AP1G1: variants seen among roughly 807,000 people sequenced by gnomAD.
The protein encoded by AP1G1 is adaptor related protein complex 1 subunit gamma 1.
AP1G1 carries 7 observed loss-of-function variants against 108.3 expected under a neutral mutation model. The observed-to-expected ratio is 0.06, with a 90% CI of 0.04 to 0.12. The LOEUF (loss-of-function observed/expected upper bound fraction) is 0.12. Among genes scored for constraint, AP1G1 ranks in the 10% least tolerant of loss-of-function variants. The pLI is 1.00. For missense variants in AP1G1, 756 were observed against 1,010.7 expected, an observed-to-expected ratio of 0.75 and a Z score of 3.42; for synonymous variants, 379 against 353.5, an observed-to-expected ratio of 1.07 and a Z score of -0.81.
chr16:71,761,693 G>C, intron 9 of AP1G1, 126 bp from the exon 10 acceptor site: 1 of 713,446 alleles, frequency 1.4e-6, no homozygotes. Context: ...AAAGGAGCTG[G>C]GTGCGGTGGC....
At chr16:71,758,560 G>T in intron 11 of AP1G1, 2 of 602,968 alleles carry the variant, frequency 3.3e-6, no homozygotes, top group Non-Finnish European at 6.3e-6. Context: ...AAGAGCCAAG[G>T]ACAACTTCAG....
chr16:71,739,129 T>C (rs766874773), intron 20 of AP1G1, 27 bp from the exon 21 acceptor site: 5 of 1,613,722 alleles, frequency 3.1e-6, no homozygotes, highest in South Asian at 2.2e-5. Flanking sequence ...AGATAAGTCT[T>C]ATTGTAGTCA....
At chr16:71,744,571 GT>G (rs71856788) in intron 19 of AP1G1, among the ~76,000 whole-genome samples, 17 of 114,386 alleles carry the variant, frequency 1.5e-4, no homozygotes, top group Middle Eastern at 5.2e-3. Flanking sequence ...GAGAAAGTGT[GT>G]TTTTTTTTTT....
In AP1G1 at chr16:71,758,864, C is replaced by T. The variant is rs371134432; in HGVS notation, c.1032G>A (p.Gln344=). The part of the protein sequence containing the change: ...KTVQTDHNAV[Q]RHRSTIVDCL... ...AGTCCACAATTGTGCTTCTGTGCCT[C>T]TGTACTGCATTATGATCTGTCTGTA... The change falls in exon 11 of 23, where the codon CAG becomes CAA. Residue 344 remains glutamine, a synonymous_variant. Coordinates refer to ENST00000299980, the MANE Select transcript of AP1G1 (RefSeq NM_001128.6). 20 of 1,611,758 alleles carry T rather than the reference C, an allele frequency of 1.2e-5. No homozygotes were observed. Among genetic ancestry groups the T allele is most frequent in the Non-Finnish European group, 1.7e-5 (20 of 1,179,486 alleles).
chr16:71,791,025 A>C (rs1258142135), intron 1 of AP1G1, among the ~76,000 whole-genome samples: 1 of 152,154 alleles, frequency 6.6e-6, no homozygotes, highest in Non-Finnish European at 1.5e-5. Context: ...GTTCGAAACC[A>C]GCCTGGCCAA....
At chr16:71,773,144 T>C in intron 4 of AP1G1, 77 bp downstream of exon 4, 1 of 1,519,014 alleles carries the variant, frequency 6.6e-7, no homozygotes, top group Non-Finnish European at 9.1e-7. Flanking sequence ...ATCAGATCTT[T>C]CAAAAATGAG....
chr16:71,761,750 G>A (rs1300894900), intron 9 of AP1G1, among the ~76,000 whole-genome samples, 183 bp from the exon 10 acceptor site: 3 of 142,644 alleles, frequency 2.1e-5, no homozygotes, highest in Admixed American at 7.4e-5. Flanking sequence ...CCGGTGGATC[G>A]CCAGGTCAGT....
At chr16:71,805,331 C>G (rs1285326001) in intron 1 of AP1G1, among the ~76,000 whole-genome samples, 1 of 151,910 alleles carries the variant, frequency 6.6e-6, no homozygotes, top group Non-Finnish European at 1.5e-5. Flanking sequence ...GCTTGTAATC[C>G]CAGCTACTCG....
At chr16:71,742,988 A>G (rs2029943264) in intron 19 of AP1G1, 1 of 152,152 alleles carries the variant, frequency 6.6e-6, no homozygotes, top group South Asian at 2.1e-4. Context: ...AACCAAAAAA[A>G]AAAGCCAAAC....
intron 17 of AP1G1, 134 bp from the exon 18 acceptor site, chr16:71,745,748 GA>G (rs1419813293): frequency 2.6e-6 from 2 of 775,788 alleles, no homozygotes; most frequent in East Asian, 4.9e-5. Flanking sequence ...CACTAAAATA[GA>G]AGGTAGATTA....
chr16:71,747,509 G>A, intron 16 of AP1G1: 1 of 152,144 alleles, frequency 6.6e-6, no homozygotes, highest in East Asian at 1.9e-4. Context: ...GAACCCTGGA[G>A]ATGGAGATTG....
intron 9 of AP1G1, among the ~76,000 whole-genome samples, chr16:71,762,283 C>A (rs990990964): frequency 6.6e-6 from 1 of 151,976 alleles, no homozygotes; most frequent in Non-Finnish European, 1.5e-5. Flanking sequence ...TGAACAATTC[C>A]ACTTATATGA....
rs899531137 is a variant in AP1G1, at chr16:71,732,253, A to C, written c.*805T>G. 5.2e-5 allele frequency: 8 copies of C among 152,584 alleles called. No individual in the cohort carries two copies. Among genetic ancestry groups the C allele is most frequent in the African/African-American group, 1.9e-4 (8 of 41,440 alleles). The allele number at this position is 152,584 out of a possible 1,614,324, so 9.5% of individuals were successfully genotyped here. Reference sequence around the variant, plus strand: ...AGGGAATCAATTTTGAAAATCATGGAGACTATTCATGACTACAGCTAAAGA... The same window carrying C: ...AGGGAATCAATTTTGAAAATCATGGCGACTATTCATGACTACAGCTAAAGA... On this transcript the variant is annotated 3_prime_UTR_variant, in exon 23 of 23. Transcript: ENST00000299980.
chr16:71,807,216 A>G (rs555761590), intron 1 of AP1G1, among the ~76,000 whole-genome samples: 11 of 152,330 alleles, frequency 7.2e-5, no homozygotes, highest in African/African-American at 2.4e-4. Context: ...ACCTGAGCTC[A>G]GGAGTTCGAG....
chr16:71,808,059 G>T lies in AP1G1; in HGVS notation c.-4+704C>A. 3 of 1,177,028 alleles carry T rather than the reference G, an allele frequency of 2.5e-6. 1 individual carries two copies. The South Asian group carries it at 4.9e-5, about 19-fold the overall frequency. 72.9% of individuals were successfully genotyped at this position (1,177,028 alleles called of 1,614,324 possible). A position where few individuals can be genotyped will look rare whatever the true frequency, so the allele number is the denominator to read the frequency against. The stretch of plus-strand genomic sequence containing the variant: ...GGATCTCCTACACCGAGTCCTAACC[G>T]GGAAACACAATCAACCGAACCGTCC... On this transcript the variant is annotated intron_variant, in intron 1 of 22. Transcript: ENST00000299980.
intron 19 of AP1G1, chr16:71,743,485 C>G (rs575387312): frequency 6.6e-6 from 1 of 152,274 alleles, no homozygotes; most frequent in East Asian, 1.9e-4. Flanking sequence ...CGCCTATAAT[C>G]CCAGCTACTC....
rs1261626672 is a variant in AP1G1, at chr16:71,745,500, T to G, written c.1845A>C (p.Pro615=). 6.8e-6 allele frequency: 11 copies of G among 1,614,044 alleles called. No individual in the cohort carries two copies. The highest frequency in any genetic ancestry group is 9.3e-6 in the Non-Finnish European group (11 of 1,180,004). The change falls in exon 18 of 23, where the codon CCA becomes CCC. Residue 615 remains proline, a synonymous_variant. Transcript: ENST00000299980. ...TEPAPLETKP[P]PSGPQPTSQA... ...GGCTGGTGGGCTGTGGCCCAGAGGGTGGCGGTTTGGTCTCTAGTGGAGCTG... is the reference window on the plus strand; with the variant it reads ...GGCTGGTGGGCTGTGGCCCAGAGGGGGGCGGTTTGGTCTCTAGTGGAGCTG...
At chr16:71,804,096 G>A (rs967246728) in intron 1 of AP1G1, among the ~76,000 whole-genome samples, 8 of 151,724 alleles carry the variant, frequency 5.3e-5, no homozygotes, top group Non-Finnish European at 7.4e-5. Context: ...CCCCAGGCTG[G>A]AGTGCAGTGG....
intron 2 of AP1G1, among the ~76,000 whole-genome samples, chr16:71,781,310 T>C (rs1292885220): frequency 6.6e-6 from 1 of 152,218 alleles, no homozygotes; most frequent in African/African-American, 2.4e-5. Flanking sequence ...CTGACATTCC[T>C]AGTGAATCCA....
Sources: gnomAD v4.1 joint callset for allele counts (sites outside exome capture counted in the v4.1 genomes callset) on GRCh38, gnomAD v4.1.1 for gene constraint, MANE v1.5 for transcripts, NCBI Gene and HGNC (gene_info 2026-07-23, HGNC 2026-07-21) for gene names.